The following NAALADL2 variants were observed in gnomAD, a reference collection of about 807,000 sequenced individuals.
NAALADL2 encodes the protein N-acetylated alpha-linked acidic dipeptidase like 2.
A neutral mutation model predicts 87.2 loss-of-function variants in NAALADL2; 76 were observed. The ratio of observed to expected loss-of-function variants is 0.87; its 90% CI spans 0.72 to 1.05. NAALADL2 has a LOEUF of 1.05. Ranked by LOEUF, NAALADL2 falls within the 50% of genes least tolerant of loss-of-function variation. The pLI is 0.00. For missense variants in NAALADL2, 1,089 were observed against 945.8 expected, an observed-to-expected ratio of 1.15 and a Z score of -1.99; for synonymous variants, 354 against 331.0, an observed-to-expected ratio of 1.07 and a Z score of -0.75.
intron 1 of NAALADL2, among the ~76,000 whole-genome samples, chr3:175,073,641 T>C (rs567554049): frequency 1.3e-5 from 2 of 152,108 alleles, no homozygotes; most frequent in East Asian, 3.9e-4. Context: ...TTGTGAAGAA[T>C]GTATTTCAAG....
intron 11 of NAALADL2, among the ~76,000 whole-genome samples, chr3:175,717,943 G>A (rs750286016): frequency 6.6e-6 from 1 of 151,160 alleles, no homozygotes; most frequent in Non-Finnish European, 1.5e-5. Context: ...CAGAGAAGCT[G>A]GGATTACAGG....
At chr3:174,920,067 G>A (rs1734945388) in intron 1 of NAALADL2, among the ~76,000 whole-genome samples, 1 of 152,192 alleles carries the variant, frequency 6.6e-6, no homozygotes, top group Non-Finnish European at 1.5e-5. Flanking sequence ...AGGCCTTGAT[G>A]TTCCATTTTA....
At chr3:175,591,755 A>C (rs1721479895) in intron 10 of NAALADL2, among the ~76,000 whole-genome samples, 2 of 147,264 alleles carry the variant, frequency 1.4e-5, no homozygotes. Flanking sequence ...ATATATTTAT[A>C]TATGCGCATG....
At chr3:175,261,702 A>C (rs566799276) in intron 4 of NAALADL2, among the ~76,000 whole-genome samples, 1 of 152,176 alleles carries the variant, frequency 6.6e-6, no homozygotes, top group Admixed American at 6.5e-5. Context: ...GACAATTTTA[A>C]AGGGCCAGAC....
In NAALADL2 at chr3:174,701,539, A is replaced by G. The variant is rs185008228; in HGVS notation, c.-114-36102A>G. Among the ~76,000 whole-genome samples the G allele has an allele frequency of 6.3e-3, 952 of 152,278 alleles. 7 individuals carry two copies. Among genetic ancestry groups the G allele is most frequent in the African/African-American group, 0.022 (905 of 41,566 alleles). Reference sequence around the variant, plus strand: ...TGATGTGTACGTTTGTGAATTCATCATTACAATGTAATGAGATATTCATTA... The same window carrying G: ...TGATGTGTACGTTTGTGAATTCATCGTTACAATGTAATGAGATATTCATTA... On this transcript the variant is annotated intron_variant, in intron 2 of 3. Transcript: ENST00000434257.
chr3:175,304,315 G>A (rs114638486), intron 4 of NAALADL2, among the ~76,000 whole-genome samples: 1,688 of 152,164 alleles, frequency 0.011, 42 homozygotes, highest in African/African-American at 0.038. Context: ...TCCAGATATG[G>A]AACATACTGA....
intron 1 of NAALADL2, among the ~76,000 whole-genome samples, chr3:175,064,572 A>G (rs1714194117): frequency 6.6e-6 from 1 of 152,160 alleles, no homozygotes. Flanking sequence ...TGAGTCAGGG[A>G]CAGGGTCAAC....
Position 174,601,392 on chromosome 3 carries a change from A to C in NAALADL2, c.-115+50755A>C, listed in dbSNP as rs368079845. On this transcript the variant is annotated intron_variant, in intron 2 of 3. Coordinates refer to the NAALADL2 transcript ENST00000434257. ...TTTTATTTGCATTTCTCTGATGATT[A>C]GTGATGTTGAGCACCTCTTCATATA... Among the ~76,000 whole-genome samples the C allele has an allele frequency of 5.1e-3, 776 of 152,294 alleles. 12 individuals are homozygous for C. Among genetic ancestry groups the C allele is most frequent in the African/African-American group, 0.018 (734 of 41,576 alleles).
chr3:174,753,435 G>A (rs1256737158), intron 3 of NAALADL2, among the ~76,000 whole-genome samples: 1 of 152,126 alleles, frequency 6.6e-6, no homozygotes, highest in Non-Finnish European at 1.5e-5. Flanking sequence ...AAATGACCAT[G>A]GTAGTTTTGA....
At chr3:175,309,429 G>T (rs1315976551) in intron 4 of NAALADL2, among the ~76,000 whole-genome samples, 2 of 151,890 alleles carry the variant, frequency 1.3e-5, no homozygotes, top group Admixed American at 6.6e-5. Flanking sequence ...CAGGTGATCC[G>T]CCTGCCTTGG....
At chr3:174,988,578 C>A (rs1746292685) in intron 1 of NAALADL2, among the ~76,000 whole-genome samples, 2 of 152,068 alleles carry the variant, frequency 1.3e-5, no homozygotes, top group Admixed American at 1.3e-4. Flanking sequence ...AGGGTAGAAG[C>A]CCATGATCAA....
intron 2 of NAALADL2, among the ~76,000 whole-genome samples, chr3:174,596,344 C>T (rs1717903673): frequency 6.6e-6 from 1 of 152,170 alleles, no homozygotes; most frequent in Non-Finnish European, 1.5e-5. Flanking sequence ...TGATTATCTT[C>T]TCTCACCCAA....
intron 2 of NAALADL2, among the ~76,000 whole-genome samples, chr3:174,668,591 GC>G (rs1009399721): frequency 2.0e-5 from 3 of 151,948 alleles, no homozygotes; most frequent in African/African-American, 7.3e-5. Context: ...CCCGCAACGG[GC>G]CCCGGTGTGT....
At chr3:174,847,410 G>A (rs1430420154) in intron 3 of NAALADL2, among the ~76,000 whole-genome samples, 2 of 152,096 alleles carry the variant, frequency 1.3e-5, no homozygotes, top group African/African-American at 4.8e-5. Flanking sequence ...ATAATATCAT[G>A]TTGCAAACTT....
Position 175,550,752 on chromosome 3 carries a change from G to GT in NAALADL2, c.1654-25288dup, listed in dbSNP as rs945615150. On this transcript the variant is annotated intron_variant, in intron 9 of 13. Transcript: ENST00000454872. ...TAGTTGTGCAGTGGTTATTGAGCCA[G>GT]TATTTCTGGAGGGGGAACTTCCAAT... Among the ~76,000 whole-genome samples, 7 of 152,308 alleles carry GT rather than the reference G, an allele frequency of 4.6e-5. 1 individual carries two copies. The highest frequency in any genetic ancestry group is 1.9e-4 in the East Asian group (1 of 5,178).
intron 2 of NAALADL2, among the ~76,000 whole-genome samples, chr3:175,129,064 G>A (rs946534387): frequency 1.3e-5 from 2 of 151,710 alleles, no homozygotes. Flanking sequence ...TCAGCCCCTG[G>A]AGTAGCTGGG....
intron 4 of NAALADL2, among the ~76,000 whole-genome samples, chr3:175,272,223 T>C (rs946227321): frequency 8.5e-5 from 13 of 152,200 alleles, no homozygotes; most frequent in Non-Finnish European, 1.5e-4. Flanking sequence ...TTCATTTAAC[T>C]TATGGCAAAT....
chr3:174,989,602 A>G (rs1320465886), intron 1 of NAALADL2, among the ~76,000 whole-genome samples: 2 of 152,198 alleles, frequency 1.3e-5, no homozygotes, highest in Non-Finnish European at 2.9e-5. Flanking sequence ...AGCTCTTAAA[A>G]ATATTAAACT....
chr3:175,007,452 C>G (rs1749187682), intron 1 of NAALADL2, among the ~76,000 whole-genome samples: 1 of 152,132 alleles, frequency 6.6e-6, no homozygotes, highest in Non-Finnish European at 1.5e-5. Context: ...ATAAAGAGAT[C>G]TCTGGTGAAT....
Sources: gnomAD v4.1 joint callset for allele counts (sites outside exome capture counted in the v4.1 genomes callset) on GRCh38, gnomAD v4.1.1 for gene constraint, MANE v1.5 for transcripts, NCBI Gene and HGNC (gene_info 2026-07-23, HGNC 2026-07-21) for gene names.